ABCC2: variants seen among roughly 807,000 people sequenced by gnomAD.
The protein encoded by ABCC2 is ATP-binding cassette sub-family C member 2.
A neutral mutation model predicts 173.4 loss-of-function variants in ABCC2; 157 were observed. The observed-to-expected ratio is 0.91, with a 90% confidence interval of 0.80 to 1.03. The LOEUF (loss-of-function observed/expected upper bound fraction) is 1.03, where lower values mean the gene tolerates loss of function less well. Among genes scored for constraint, ABCC2 ranks in the 50% least tolerant of loss-of-function variants. The pLI is 0.00. For synonymous variants in ABCC2, 657 were observed against 693.5 expected (o/e 0.95, Z 0.83); for missense variants, 1,822 against 1,852.3 (o/e 0.98, Z 0.30).
At chr10:99,846,211 CA>C (rs1197373331) in intron 29 of ABCC2, among the ~76,000 whole-genome samples, 32 of 152,368 alleles carry the variant, frequency 2.1e-4, no homozygotes, top group African/African-American at 7.7e-4. Flanking sequence ...CTTCGTGCAT[CA>C]GCAAGAAAGA....
intron 19 of ABCC2, among the ~76,000 whole-genome samples, chr10:99,828,801 A>C (rs1162888365): frequency 6.6e-6 from 1 of 151,986 alleles, no homozygotes; most frequent in African/African-American, 2.4e-5. Flanking sequence ...GCATGTCTTC[A>C]GCACTCCAGC....
chr10:99,800,022 C>T (rs142557241), intron 8 of ABCC2, among the ~76,000 whole-genome samples: 16 of 152,192 alleles, frequency 1.1e-4, no homozygotes, highest in African/African-American at 2.4e-4. Context: ...GTCAACATAA[C>T]GAGACCCCAT....
chr10:99,808,291 G>A (rs1590158109), intron 13 of ABCC2, 62 bp downstream of exon 13: 1 of 1,594,180 alleles, frequency 6.3e-7, no homozygotes, highest in East Asian at 2.2e-5. Flanking sequence ...AGTCCAGAAT[G>A]ACTGGCTATC....
rs1173327257 is a variant in ABCC2, at chr10:99,852,470, A to G, written c.*839A>G. Reference sequence around the variant, plus strand: ...TTAAATATTGTGTCTGATAATTCCAATGTCTGGATTCTTTGTTTATCTGTT... The same window carrying G: ...TTAAATATTGTGTCTGATAATTCCAGTGTCTGGATTCTTTGTTTATCTGTT... On this transcript the variant is annotated 3_prime_UTR_variant, in exon 32 of 32. Transcript: ENST00000647814. Among the ~76,000 whole-genome samples the G allele has an allele frequency of 6.6e-6, 1 of 152,122 alleles. No individual in the cohort carries two copies. Among genetic ancestry groups the G allele is most frequent in the African/African-American group, 2.4e-5 (1 of 41,408 alleles).
In ABCC2 at chr10:99,782,894, A is replaced by T. The variant is rs2132936513; in HGVS notation, c.33+17A>T. On this transcript the variant is annotated intron_variant, in intron 1 of 31. Transcript: ENST00000647814. ...ACTTTTTGGGTGAGAAATTACATTT[A>T]TCTTCATATTGACTCTTCTCAGACT... The T allele has an allele frequency of 6.2e-7, 1 of 1,613,540 alleles. No individual in the cohort carries two copies. Among genetic ancestry groups the T allele is most frequent in the East Asian group, 2.2e-5 (1 of 44,866 alleles).
In ABCC2 at chr10:99,807,420, G is replaced by T. The variant is rs1371262907; in HGVS notation, c.1567G>T (p.Asp523Tyr). 2.5e-6 allele frequency: 4 copies of T among 1,614,098 alleles called. No homozygotes were observed. The highest frequency in any genetic ancestry group is 4.5e-5 in the East Asian group (2 of 44,878). ...KYFAWEPSFR[D>Y]QVQNLRKKEL... Reference sequence around the variant, plus strand: ...TTTTGCCTGGGAACCTTCATTCAGAGACCAAGTACAAAACCTCCGGAAGAA... The same window carrying T: ...TTTTGCCTGGGAACCTTCATTCAGATACCAAGTACAAAACCTCCGGAAGAA... The change falls in exon 12 of 32, where the codon GAC becomes TAC. Residue 523 changes from aspartate to tyrosine, a missense_variant. Asp to Tyr is a radical substitution (Grantham distance 160, BLOSUM62 -3). Coordinates refer to ENST00000647814, the MANE Select transcript of ABCC2 (RefSeq NM_000392.5).
intron 24 of ABCC2, among the ~76,000 whole-genome samples, 195 bp downstream of exon 24, chr10:99,834,730 G>A (rs1431188067): frequency 6.6e-6 from 1 of 152,134 alleles, no homozygotes; most frequent in East Asian, 1.9e-4. Context: ...AGCATCAATG[G>A]GTGCACCATT....
intron 31 of ABCC2, 44 bp downstream of exon 31, chr10:99,850,840 T>C: frequency 1.2e-6 from 2 of 1,604,468 alleles, no homozygotes; most frequent in Non-Finnish European, 1.7e-6. Flanking sequence ...GCTTAACCCT[T>C]GCTCAACAGT....
intron 14 of ABCC2, 76 bp from the exon 15 acceptor site, chr10:99,811,460 A>G: frequency 7.0e-7 from 1 of 1,425,996 alleles, no homozygotes; most frequent in Non-Finnish European, 9.9e-7. Context: ...TGATGGAGAA[A>G]GCGGAGAGAG....
chr10:99,814,669 A>G (rs2038356943), intron 16 of ABCC2, among the ~76,000 whole-genome samples: 1 of 141,594 alleles, frequency 7.1e-6, no homozygotes, highest in Non-Finnish European at 1.6e-5. Context: ...ATGTGTATAT[A>G]CACATATACA....
chr10:99,819,399 C>T, intron 19 of ABCC2, 130 bp downstream of exon 19: 1 of 931,082 alleles, frequency 1.1e-6, no homozygotes, highest in Admixed American at 2.0e-5. Flanking sequence ...GATTCAAACT[C>T]TGCTTTCTGG....
intron 9 of ABCC2, among the ~76,000 whole-genome samples, chr10:99,802,883 T>C (rs906026177): frequency 2.0e-5 from 3 of 152,192 alleles, no homozygotes; most frequent in African/African-American, 7.2e-5. Flanking sequence ...CTGACCTCTC[T>C]AACATGAGAA....
chr10:99,845,633 G>T lies in ABCC2; in HGVS notation c.3997G>T (p.Val1333Leu). 6.2e-7 allele frequency: 1 copy of T among 1,613,982 alleles called. No individual in the cohort carries two copies. Among genetic ancestry groups the T allele is most frequent in the East Asian group, 2.2e-5 (1 of 44,886 alleles). ...DIGSMEKIGV[V>L]GRTGAGKSSL... is the part of the protein sequence containing the mutation. ...GGAACTATATTCGCAGATTGGTGTG[G>T]TGGGCAGGACAGGAGCTGGAAAGTC... is the stretch of plus-strand genomic sequence containing the variant. Residue 1333 changes from valine (V) to leucine (L), a missense_variant, in exon 29 of 32, where the codon GTG becomes TTG. Transcript: ENST00000647814.
At chr10:99,786,261 T>C (rs1002142237) in intron 2 of ABCC2, among the ~76,000 whole-genome samples, 1 of 152,078 alleles carries the variant, frequency 6.6e-6, no homozygotes, top group Non-Finnish European at 1.5e-5. Flanking sequence ...CCTGGCAACA[T>C]AGTGAGTCCC....
chr10:99,804,374 G>T, intron 10 of ABCC2, 101 bp downstream of exon 10: 1 of 1,495,784 alleles, frequency 6.7e-7, no homozygotes, highest in South Asian at 1.2e-5. Flanking sequence ...GCAAGGCAAA[G>T]CTGGTGGAAG....
rs546476092 is a variant in ABCC2, at chr10:99,821,503, G to A, written c.2620+2234G>A. On this transcript the variant is annotated intron_variant, in intron 19 of 31. Transcript: ENST00000647814. Reference sequence around the variant, plus strand: ...GGCTTTCCTAGGCAGAGGTCCCTGCGGCCTTCCGCAGTTTTTGTGTCCCTG... The same window carrying A: ...GGCTTTCCTAGGCAGAGGTCCCTGCAGCCTTCCGCAGTTTTTGTGTCCCTG... Among the ~76,000 whole-genome samples, 354 of 152,182 alleles carry A rather than the reference G, an allele frequency of 2.3e-3. 1 individual carries two copies. The highest frequency in any genetic ancestry group is 7.1e-3 in the African/African-American group (296 of 41,508).
chr10:99,799,680 C>A (rs1218329952), intron 8 of ABCC2, among the ~76,000 whole-genome samples: 1 of 152,064 alleles, frequency 6.6e-6, no homozygotes, highest in Non-Finnish European at 1.5e-5. Context: ...GGTAGCATAC[C>A]CCTGGAGAGT....
At chr10:99,821,210 C>T (rs2038531223) in intron 19 of ABCC2, among the ~76,000 whole-genome samples, 1 of 152,234 alleles carries the variant, frequency 6.6e-6, no homozygotes, top group Admixed American at 6.5e-5. Flanking sequence ...CCTGCTTGTC[C>T]CACCTCCAGC....
intron 13 of ABCC2, among the ~76,000 whole-genome samples, chr10:99,809,759 T>C (rs1415837374): frequency 6.6e-6 from 1 of 152,036 alleles, no homozygotes; most frequent in Non-Finnish European, 1.5e-5. Flanking sequence ...CTCCCAGGAG[T>C]GGCTTAGTTA....
Sources: gnomAD v4.1 joint callset for allele counts (sites outside exome capture counted in the v4.1 genomes callset) on GRCh38, gnomAD v4.1.1 for gene constraint, MANE v1.5 for transcripts, NCBI Gene and HGNC (gene_info 2026-07-23, HGNC 2026-07-21) for gene names.